Variants in KCNG2 observed in about 807,000 individuals in gnomAD.
The protein encoded by KCNG2 is voltage-gated potassium channel regulatory subunit KCNG2.
Under a neutral mutation model 12.3 loss-of-function variants are expected in KCNG2, and 7 were observed. The observed-to-expected ratio is 0.57, with a 90% CI of 0.32 to 1.07. The LOEUF (loss-of-function observed/expected upper bound fraction) is 1.07, where lower values mean the gene tolerates loss of function less well. KCNG2 is among the 50% of genes least tolerant of loss of function. The pLI, the probability that KCNG2 is intolerant of heterozygous loss-of-function variation, is 0.04. For synonymous variants in KCNG2, 414 were observed against 351.4 expected, an observed-to-expected ratio of 1.18 and a Z score of -1.99; for missense variants, 703 against 726.0, an observed-to-expected ratio of 0.97 and a Z score of 0.36.
intron 1 of KCNG2, among the ~76,000 whole-genome samples, chr18:79,840,537 T>C (rs1252399040): frequency 6.6e-6 from 1 of 152,182 alleles, no homozygotes; most frequent in Non-Finnish European, 1.5e-5. Context: ...CCCAAATTGA[T>C]ATAAAAATTT....
At chr18:79,889,500 C>T (rs962448251) in intron 3 of KCNG2, among the ~76,000 whole-genome samples, 1 of 152,212 alleles carries the variant, frequency 6.6e-6, no homozygotes, top group Admixed American at 6.5e-5. Flanking sequence ...TATTCTGATG[C>T]ATTTCTTCCT....
At chr18:79,805,863 G>GCA (rs36068585) in intron 1 of KCNG2, among the ~76,000 whole-genome samples, 14,027 of 151,012 alleles carry the variant, frequency 0.093, 1,015 homozygotes, top group East Asian at 0.32. Context: ...AGGTCCACAT[G>GCA]CACACACACA....
At chr18:79,857,062 C>CCA (rs1400536764) in intron 2 of KCNG2, among the ~76,000 whole-genome samples, 2 of 136,230 alleles carry the variant, frequency 1.5e-5, no homozygotes, top group Non-Finnish European at 3.2e-5. Flanking sequence ...CCCCCCACAG[C>CCA]CGCCCCCACA....
rs147947318 is a variant in KCNG2, at chr18:79,892,261, T to A, written c.625-6779T>A. Among the ~76,000 whole-genome samples the A allele has an allele frequency of 2.0e-4, 31 of 152,364 alleles. 1 individual carries two copies. In the East Asian group the frequency reaches 5.0e-3, roughly 25 times the overall value. ...TGGTGCATACATTTTACTTGTTATATCTTCTTGATGGATTGACCTGTTGAT... is the reference window on the plus strand; with the variant it reads ...TGGTGCATACATTTTACTTGTTATAACTTCTTGATGGATTGACCTGTTGAT... On this transcript the variant is annotated intron_variant, in intron 3 of 3. Transcript: ENST00000316249.
intron 1 of KCNG2, among the ~76,000 whole-genome samples, chr18:79,828,072 C>G (rs1006309889): frequency 6.6e-6 from 1 of 152,012 alleles, no homozygotes; most frequent in Non-Finnish European, 1.5e-5. Context: ...TACAGGCACG[C>G]ACCAACACAC....
At chr18:79,841,424 A>C (rs576843114) in intron 1 of KCNG2, among the ~76,000 whole-genome samples, 1 of 152,278 alleles carries the variant, frequency 6.6e-6, no homozygotes, top group South Asian at 2.1e-4. Context: ...TCAAAATTCA[A>C]ATATTTTGCT....
intron 1 of KCNG2, among the ~76,000 whole-genome samples, chr18:79,820,262 T>C (rs898330254): frequency 6.6e-6 from 1 of 152,244 alleles, no homozygotes; most frequent in Admixed American, 6.5e-5. Flanking sequence ...GATGCGGCTC[T>C]GAATGTCAGC....
intron 1 of KCNG2, among the ~76,000 whole-genome samples, chr18:79,827,026 T>C (rs1435024780): frequency 2.6e-5 from 4 of 152,386 alleles, no homozygotes; most frequent in African/African-American, 9.6e-5. Context: ...TGAGCTTTGC[T>C]GCTTGGTGCC....
chr18:79,897,443 T>C (rs1981019325), intron 3 of KCNG2, among the ~76,000 whole-genome samples: 1 of 152,264 alleles, frequency 6.6e-6, no homozygotes, highest in Non-Finnish European at 1.5e-5. Flanking sequence ...TGTCCATCTC[T>C]TTACCAACAG....
chr18:79,819,446 AC>A (rs1365415373), intron 1 of KCNG2, among the ~76,000 whole-genome samples: 2 of 152,188 alleles, frequency 1.3e-5, no homozygotes, highest in East Asian at 3.9e-4. Flanking sequence ...CACCTGTCCC[AC>A]CTGGCACCAC....
chr18:79,899,393 G>A lies in KCNG2; in HGVS notation c.978G>A (p.Leu326=), dbSNP rs772004570. ...GCGCGCGCGAGTTCGGGCTGCTGCT[G>A]CTGTTCCTCTGCGTGGCCATGGCGC... ...RRCAREFGLL[L]LFLCVAMALF... is the part of the protein sequence containing the mutation. The change falls in exon 4 of 4, where the codon CTG becomes CTA. Residue 326 remains leucine (L), a synonymous_variant. Coordinates refer to ENST00000316249, the MANE Select transcript of KCNG2 (RefSeq NM_012283.2). 1 of 1,576,272 alleles carries A rather than the reference G, an allele frequency of 6.3e-7. No individual in the cohort carries two copies. Among genetic ancestry groups the A allele is most frequent in the South Asian group, 1.1e-5 (1 of 87,610 alleles).
chr18:79,883,414 T>C (rs950310932), intron 3 of KCNG2, among the ~76,000 whole-genome samples: 1 of 152,246 alleles, frequency 6.6e-6, no homozygotes, highest in African/African-American at 2.4e-5. Context: ...GCATAAATCT[T>C]TGGGCTCATT....
At position 79,864,146 on chromosome 18, in the gene KCNG2, G is replaced by C. The variant is rs776506547; in HGVS notation, c.479G>C (p.Arg160Pro). 2.1e-6 allele frequency: 3 copies of C among 1,410,766 alleles called. No individual in the cohort carries two copies. In the South Asian group the frequency reaches 4.1e-5, roughly 19 times the overall value. 87.4% of individuals were successfully genotyped at this position (1,410,766 alleles called of 1,614,324 possible). The change falls in exon 3 of 4, where the codon CGG becomes CCG. Residue 160 changes from arginine (R) to proline (P), a missense_variant. Physicochemically the swap from Arg to Pro is moderately radical, Grantham distance 103. Coordinates refer to ENST00000316249, the MANE Select transcript of KCNG2 (RefSeq NM_012283.2). ...CCTCGGGGGCGGCTGCAGCGCGGCCGGCGGCGCCTGCGCGACGTGGTGGAC... is the reference window on the plus strand; with the variant it reads ...CCTCGGGGGCGGCTGCAGCGCGGCCCGCGGCGCCTGCGCGACGTGGTGGAC... ...LGPRGRLQRG[R>P]RRLRDVVDNP...
At chr18:79,835,226 A>G (rs1026318886) in intron 1 of KCNG2, among the ~76,000 whole-genome samples, 1 of 152,190 alleles carries the variant, frequency 6.6e-6, no homozygotes, top group Non-Finnish European at 1.5e-5. Context: ...AAGGAAGCCA[A>G]CCGCAGCAGA....
chr18:79,854,683 G>A (rs540351991), intron 1 of KCNG2, among the ~76,000 whole-genome samples: 4 of 152,118 alleles, frequency 2.6e-5, no homozygotes, highest in East Asian at 1.9e-4. Flanking sequence ...CCACCACCAC[G>A]CCCGGCTAAT....
At chr18:79,824,342 T>C (rs1300671521) in intron 1 of KCNG2, among the ~76,000 whole-genome samples, 1 of 152,260 alleles carries the variant, frequency 6.6e-6, no homozygotes, top group East Asian at 1.9e-4. Flanking sequence ...TGTTTGTGTA[T>C]AGGAAGGCTG....
At chr18:79,867,514 G>A (rs1438816044) in intron 3 of KCNG2, among the ~76,000 whole-genome samples, 2 of 97,748 alleles carry the variant, frequency 2.0e-5, no homozygotes, top group Admixed American at 1.2e-4. Context: ...TGAGCCCGGC[G>A]TGTGTCGTGT....
intron 2 of KCNG2, among the ~76,000 whole-genome samples, chr18:79,856,695 G>A (rs1353810846): frequency 6.6e-6 from 1 of 152,114 alleles, no homozygotes; most frequent in Non-Finnish European, 1.5e-5. Flanking sequence ...TCACGGGGCC[G>A]TCTGCCACGC....
At chr18:79,878,213 G>C (rs1484665185) in intron 3 of KCNG2, among the ~76,000 whole-genome samples, 1 of 152,246 alleles carries the variant, frequency 6.6e-6, no homozygotes. Context: ...TGAGACTTCA[G>C]TGTAGATCCT....
Sources: allele counts gnomAD v4.1 joint callset (sites outside exome capture counted in the v4.1 genomes callset), GRCh38; gene constraint gnomAD v4.1.1; transcripts MANE v1.5; gene names NCBI Gene and HGNC (gene_info 2026-07-23, HGNC 2026-07-21).